Variants in SLC25A33 observed in about 807,000 individuals in gnomAD.
SLC25A33 encodes bone marrow stromal cell mitochondrial carrier protein.
In SLC25A33, 15 loss-of-function variants were observed where a neutral mutation model predicts 35.5. The ratio of observed to expected loss-of-function variants is 0.42; its 90% CI spans 0.28 to 0.65. The LOEUF (loss-of-function observed/expected upper bound fraction) is 0.65, where lower values mean the gene tolerates loss of function less well. Among genes scored for constraint, SLC25A33 ranks in the 30% least tolerant of loss-of-function variants. The pLI is 0.20. For synonymous variants in SLC25A33, 136 were observed against 148.7 expected, an observed-to-expected ratio of 0.91 and a Z score of 0.62; for missense variants, 257 against 398.5, an observed-to-expected ratio of 0.64 and a Z score of 3.02.
At position 9,539,705 on chromosome 1, in the gene SLC25A33, G is replaced by A. The variant is rs1183270494; in HGVS notation, c.14G>A (p.Gly5Asp). ...GCCGGCGCGGCCATGGCGACGGGCGGCCAGCAGAAGGAGAACACGCTGCTT... is the reference window on the plus strand; with the variant it reads ...GCCGGCGCGGCCATGGCGACGGGCGACCAGCAGAAGGAGAACACGCTGCTT... MATG[G>D]QQKENTLLHL... Residue 5 changes from glycine to aspartate, a missense_variant, in exon 1 of 7, where the codon GGC becomes GAC. Coordinates refer to ENST00000302692, the MANE Select transcript of SLC25A33 (RefSeq NM_032315.3). The A allele has an allele frequency of 4.3e-6, 6 of 1,394,082 alleles. No homozygotes were observed. Among genetic ancestry groups the A allele is most frequent in the Non-Finnish European group, 5.6e-6 (6 of 1,072,846 alleles). 86.4% of individuals were successfully genotyped at this position (1,394,082 alleles called of 1,614,324 possible).
At chr1:9,564,725 T>TAAAAAAAAAA (rs1553146726) in intron 2 of SLC25A33, among the ~76,000 whole-genome samples, 13 of 94,526 alleles carry the variant, frequency 1.4e-4, no homozygotes, top group African/African-American at 6.0e-4. Flanking sequence ...CGTCTCTATT[T>TAAAAAAAAAA]AAAAAAAAAA....
intron 4 of SLC25A33, among the ~76,000 whole-genome samples, chr1:9,571,576 C>T (rs923674412): frequency 2.0e-5 from 3 of 151,962 alleles, no homozygotes; most frequent in East Asian, 1.9e-4. Flanking sequence ...CCCACCCGGC[C>T]GAGAAGGCTC....
intron 1 of SLC25A33, among the ~76,000 whole-genome samples, chr1:9,540,772 TC>T (rs1326079634): frequency 6.6e-6 from 1 of 152,174 alleles, no homozygotes; most frequent in Non-Finnish European, 1.5e-5. Flanking sequence ...CTGGATATGT[TC>T]CTTACAACAA....
intron 1 of SLC25A33, among the ~76,000 whole-genome samples, chr1:9,549,820 C>A (rs1228064049): frequency 2.0e-5 from 3 of 150,102 alleles, no homozygotes; most frequent in Non-Finnish European, 3.0e-5. Context: ...AGGGTTTCAG[C>A]ACGTTGGTCA....
chr1:9,556,927 T>C (rs1643352662), intron 2 of SLC25A33, among the ~76,000 whole-genome samples: 1 of 152,218 alleles, frequency 6.6e-6, no homozygotes, highest in Non-Finnish European at 1.5e-5. Context: ...ATGAATACTT[T>C]AATTAATTAA....
At chr1:9,552,423 G>T (rs1403750989) in intron 1 of SLC25A33, among the ~76,000 whole-genome samples, 1 of 151,946 alleles carries the variant, frequency 6.6e-6, no homozygotes, top group Non-Finnish European at 1.5e-5. Flanking sequence ...GTAGAGATTG[G>T]GTTTCACCCT....
chr1:9,551,564 C>G (rs149903183), intron 1 of SLC25A33, among the ~76,000 whole-genome samples: 205 of 152,252 alleles, frequency 1.3e-3, no homozygotes, highest in African/African-American at 4.7e-3. Flanking sequence ...CGTTGCCTTT[C>G]CCAGGCGGAG....
intron 1 of SLC25A33, among the ~76,000 whole-genome samples, chr1:9,541,533 G>C (rs1351571774): frequency 6.6e-6 from 1 of 151,948 alleles, no homozygotes; most frequent in Admixed American, 6.6e-5. Flanking sequence ...CTCAAGTGAT[G>C]GCCCACCTTG....
At chr1:9,562,350 A>G (rs1415226785) in intron 2 of SLC25A33, among the ~76,000 whole-genome samples, 1 of 150,704 alleles carries the variant, frequency 6.6e-6, no homozygotes, top group East Asian at 1.9e-4. Context: ...TCCATCTCAA[A>G]AAAAAAAAAA....
At chr1:9,560,418 G>T (rs554474620) in intron 2 of SLC25A33, among the ~76,000 whole-genome samples, 7 of 151,998 alleles carry the variant, frequency 4.6e-5, no homozygotes, top group African/African-American at 1.7e-4. Context: ...CAAAAAATTA[G>T]CCAGGTGTGG....
At chr1:9,570,391 C>A (rs776330836) in intron 4 of SLC25A33, 33 bp downstream of exon 4, 1 of 1,556,020 alleles carries the variant, frequency 6.4e-7, no homozygotes, top group African/African-American at 1.4e-5. Flanking sequence ...GAGAGGGTCT[C>A]TCTCTCACTT....
chr1:9,579,763 G>A (rs948408368), intron 5 of SLC25A33, among the ~76,000 whole-genome samples, 191 bp from the exon 6 acceptor site: 2 of 152,196 alleles, frequency 1.3e-5, no homozygotes, highest in African/African-American at 4.8e-5. Context: ...GAGATCAAGG[G>A]ACTGTCAGAG....
chr1:9,574,998 G>A (rs968483430), intron 5 of SLC25A33, among the ~76,000 whole-genome samples: 4 of 151,248 alleles, frequency 2.6e-5, no homozygotes, highest in African/African-American at 9.7e-5. Context: ...CAGATCACGA[G>A]GTCAGGAGAT....
intron 1 of SLC25A33, among the ~76,000 whole-genome samples, chr1:9,541,392 G>C (rs950961899): frequency 1.3e-5 from 2 of 151,954 alleles, no homozygotes; most frequent in Admixed American, 6.6e-5. Flanking sequence ...CTCGTGATCC[G>C]CCCGCCTCGG....
At chr1:9,573,576 A>G (rs1213060439) in intron 5 of SLC25A33, among the ~76,000 whole-genome samples, 164 bp downstream of exon 5, 3 of 152,028 alleles carry the variant, frequency 2.0e-5, no homozygotes, top group East Asian at 1.9e-4. Context: ...GGTTTGTGCT[A>G]TAAGCATCAT....
At chr1:9,554,469 C>T (rs1176501752) in intron 2 of SLC25A33, among the ~76,000 whole-genome samples, 2 of 152,222 alleles carry the variant, frequency 1.3e-5, no homozygotes, top group East Asian at 3.8e-4. Context: ...AAGCGATTCT[C>T]CTGCCTCAGC....
intron 4 of SLC25A33, among the ~76,000 whole-genome samples, chr1:9,572,921 T>G (rs945292911): frequency 3.3e-5 from 5 of 152,018 alleles, no homozygotes; most frequent in Non-Finnish European, 7.4e-5. Context: ...AAAAAAAATT[T>G]TTTTAAAGAG....
intron 2 of SLC25A33, among the ~76,000 whole-genome samples, chr1:9,560,423 G>T (rs1430104039): frequency 1.3e-5 from 2 of 151,494 alleles, no homozygotes; most frequent in South Asian, 2.1e-4. Context: ...AATTAGCCAG[G>T]TGTGGCGGTG....
At chr1:9,559,331 A>G (rs1643387935) in intron 2 of SLC25A33, among the ~76,000 whole-genome samples, 1 of 152,112 alleles carries the variant, frequency 6.6e-6, no homozygotes, top group South Asian at 2.1e-4. Context: ...CCAAGCATCG[A>G]GAATGTTGCC....
Sources: allele counts gnomAD v4.1 joint callset (sites outside exome capture counted in the v4.1 genomes callset), GRCh38; gene constraint gnomAD v4.1.1; transcripts MANE v1.5; gene names NCBI Gene and HGNC (gene_info 2026-07-23, HGNC 2026-07-21).